Variants in GPR149 observed in about 807,000 individuals in gnomAD.
The protein encoded by GPR149 is G protein-coupled receptor 149, also known as probable G protein-coupled receptor 149.
In GPR149, 50 loss-of-function variants were observed where a neutral mutation model predicts 50.2. The observed-to-expected ratio is 1.00, with a 90% confidence interval of 0.79 to 1.26. GPR149 has a LOEUF of 1.26. Among genes scored for constraint, GPR149 ranks in the 50% most tolerant of loss-of-function variants. The pLI is 0.00. For synonymous variants in GPR149, 405 were observed against 358.2 expected (o/e 1.13, Z -1.48); for missense variants, 983 against 895.4 (o/e 1.10, Z -1.25).
intron 3 of GPR149, among the ~76,000 whole-genome samples, chr3:154,374,999 AGAGGTT>A (rs1221187553): frequency 6.6e-6 from 1 of 152,236 alleles, no homozygotes; most frequent in African/African-American, 2.4e-5. Context: ...AGCTTTTGGC[AGAGGTT>A]TGTTCCTGAA....
At chr3:154,399,435 C>T (rs1715369314) in intron 3 of GPR149, among the ~76,000 whole-genome samples, 1 of 152,186 alleles carries the variant, frequency 6.6e-6, no homozygotes, top group Non-Finnish European at 1.5e-5. Flanking sequence ...TATAACCTTT[C>T]TTTCCCCAAA....
chr3:154,356,591 A>C (rs1714232255), intron 3 of GPR149, among the ~76,000 whole-genome samples: 1 of 152,222 alleles, frequency 6.6e-6, no homozygotes, highest in Admixed American at 6.5e-5. Context: ...ATTGCTTCAA[A>C]GAGAATAAGA....
intron 3 of GPR149, among the ~76,000 whole-genome samples, chr3:154,374,901 T>C (rs1389888195): frequency 6.6e-6 from 1 of 152,222 alleles, no homozygotes; most frequent in Non-Finnish European, 1.5e-5. Context: ...TTACAGTTAC[T>C]TAGCCTTGTT....
intron 3 of GPR149, among the ~76,000 whole-genome samples, chr3:154,408,432 TCTC>T (rs1411553600): frequency 1.3e-5 from 2 of 152,148 alleles, no homozygotes; most frequent in African/African-American, 2.4e-5. Flanking sequence ...TGAGGCAAGT[TCTC>T]AGCCTGGTCA....
chr3:154,393,256 T>C (rs1166445897), intron 3 of GPR149, among the ~76,000 whole-genome samples: 1 of 151,980 alleles, frequency 6.6e-6, no homozygotes, highest in Non-Finnish European at 1.5e-5. Context: ...AATTTATCCC[T>C]GGAAGGCAAG....
chr3:154,405,751 C>A (rs1267981155), intron 3 of GPR149, among the ~76,000 whole-genome samples: 2 of 151,526 alleles, frequency 1.3e-5, no homozygotes, highest in Non-Finnish European at 2.9e-5. Context: ...TACAATTATA[C>A]CCTATCTTAC....
chr3:154,361,915 A>G (rs1009347033), intron 3 of GPR149, among the ~76,000 whole-genome samples: 1 of 152,210 alleles, frequency 6.6e-6, no homozygotes, highest in Non-Finnish European at 1.5e-5. Context: ...TATTAAAAAG[A>G]TACATTTATA....
intron 3 of GPR149, among the ~76,000 whole-genome samples, chr3:154,415,002 C>A (rs924949172): frequency 6.6e-6 from 1 of 151,902 alleles, no homozygotes; most frequent in Non-Finnish European, 1.5e-5. Context: ...TACAGTGTAA[C>A]TTTACATTAG....
intron 3 of GPR149, among the ~76,000 whole-genome samples, chr3:154,340,218 C>A (rs1576895621): frequency 6.6e-6 from 1 of 152,228 alleles, no homozygotes; most frequent in East Asian, 1.9e-4. Flanking sequence ...ATAAGGAGAC[C>A]TAGGAACCTA....
At chr3:154,418,050 A>C (rs2108427564) in intron 3 of GPR149, among the ~76,000 whole-genome samples, 1 of 150,954 alleles carries the variant, frequency 6.6e-6, no homozygotes, top group South Asian at 2.1e-4. Context: ...TGCAGCCAAA[A>C]GACACATGAA....
chr3:154,421,399 A>C lies in GPR149; in HGVS notation c.1263T>G (p.Asp421Glu), dbSNP rs1015113014. 9.3e-6 allele frequency: 15 copies of C among 1,610,866 alleles called. No individual in the cohort carries two copies. In the African/African-American group the frequency reaches 1.7e-4, roughly 19 times the overall value. The change falls in exon 3 of 4, where the codon GAT becomes GAG. Residue 421 changes from aspartate to glutamate, a missense_variant. Physicochemically the swap from Asp to Glu is conservative, Grantham distance 45 (BLOSUM62 2). Transcript: ENST00000389740. ...GGTTGTGATAGAATATGGAATTTTC[A>C]TCATCATCATAGTAATCTTCATGTG... ...KIAHEDYYDD[D>E]ENSIFYHNLM...
chr3:154,422,741 G>A (rs9855051), intron 2 of GPR149, among the ~76,000 whole-genome samples: 74,782 of 151,442 alleles, frequency 0.49, 18,813 homozygotes, highest in African/African-American at 0.61. Context: ...AGAAAAAATA[G>A]AAGTAGAAAC....
At chr3:154,354,213 C>A in intron 3 of GPR149, 4 of 491,952 alleles carry the variant, frequency 8.1e-6, no homozygotes, top group South Asian at 6.4e-5. Context: ...TCATCTGGGT[C>A]ATAATGGTGC....
At position 154,421,506 on chromosome 3, in the gene GPR149, A is replaced by T; in HGVS notation, c.1175-19T>A. On this transcript the variant is annotated intron_variant, in intron 2 of 3. Coordinates refer to ENST00000389740, the MANE Select transcript of GPR149 (RefSeq NM_001038705.3). The stretch of plus-strand genomic sequence containing the variant: ...CTCTTGACTGAGTAAAAATAAAAAC[A>T]ACAGTTTATGGCTAGTAAGGTAGAT... 1 of 1,366,142 alleles carries T rather than the reference A, an allele frequency of 7.3e-7. No homozygotes were observed. The highest frequency in any genetic ancestry group is 1.0e-6 in the Non-Finnish European group (1 of 1,002,100). 84.6% of individuals were successfully genotyped at this position (1,366,142 alleles called of 1,614,324 possible).
At chr3:154,354,373 G>A (rs1261510221) in intron 3 of GPR149, 2 of 212,024 alleles carry the variant, frequency 9.4e-6, no homozygotes, top group African/African-American at 4.8e-5. Flanking sequence ...ATAAGGTCAG[G>A]GGGTAGATTC....
In GPR149 at chr3:154,338,173, C is replaced by G. The variant is rs747164853; in HGVS notation, c.1722G>C (p.Glu574Asp). 2 of 1,614,074 alleles carry G rather than the reference C, an allele frequency of 1.2e-6. No homozygotes were observed. Among genetic ancestry groups the G allele is most frequent in the East Asian group, 4.5e-5 (2 of 44,874 alleles). The change falls in exon 4 of 4, where the codon GAG becomes GAC. Residue 574 changes from glutamate (E) to aspartate (D), a missense_variant. By Grantham distance (45) the Glu-to-Asp change is conservative. Transcript: ENST00000389740. ...TTATTTTTTGCCCTTCTGCGCTTAC[C>G]TCATAGGTAGAAAGAGATAGGGTTT... ...TGKTLSLSTY[E>D]VSAEGQKITP... is the part of the protein sequence containing the mutation.
intron 3 of GPR149, among the ~76,000 whole-genome samples, chr3:154,360,185 A>G (rs1714345950): frequency 6.6e-6 from 1 of 152,222 alleles, no homozygotes; most frequent in African/African-American, 2.4e-5. Context: ...GAGGGCTGCA[A>G]GCAGTTTCAG....
At position 154,421,019 on chromosome 3, in the gene GPR149, A is replaced by G. The variant is rs1214845075; in HGVS notation, c.1623+20T>C. On this transcript the variant is annotated intron_variant, in intron 3 of 3. Transcript: ENST00000389740. The stretch of plus-strand genomic sequence containing the variant: ...TTAGTATCACTTTCAATTTAACAGC[A>G]AGAACAACTTTTACTGTACCTGACG... 6.5e-7 allele frequency: 1 copy of G among 1,540,980 alleles called. No homozygotes were observed. Among genetic ancestry groups the G allele is most frequent in the Admixed American group, 2.0e-5 (1 of 49,022 alleles).
At chr3:154,361,274 C>T (rs1171714434) in intron 3 of GPR149, among the ~76,000 whole-genome samples, 3 of 152,156 alleles carry the variant, frequency 2.0e-5, no homozygotes, top group African/African-American at 4.8e-5. Context: ...AGAAATTAGA[C>T]ACTTGCCTTC....
Sources: gnomAD v4.1 joint callset for allele counts (sites outside exome capture counted in the v4.1 genomes callset) on GRCh38, gnomAD v4.1.1 for gene constraint, MANE v1.5 for transcripts, NCBI Gene and HGNC (gene_info 2026-07-23, HGNC 2026-07-21) for gene names.